Variants in NELL1 observed in about 807,000 individuals in gnomAD.
NELL1 encodes the protein neural EGFL like 1.
In NELL1, 76 loss-of-function variants were observed where a neutral mutation model predicts 107.4. The ratio of observed to expected loss-of-function variants is 0.71; its 90% confidence interval spans 0.59 to 0.86. The LOEUF is 0.86. Among genes scored for constraint, NELL1 ranks in the 40% least tolerant of loss-of-function variants. The pLI, the probability that NELL1 is intolerant of heterozygous loss-of-function variation, is 0.00. For synonymous variants in NELL1, 353 were observed against 341.2 expected (o/e 1.03, Z -0.38); for missense variants, 1,024 against 1,005.5 (o/e 1.02, Z -0.25).
chr11:20,875,529 T>C (rs1361160658), intron 4 of NELL1, among the ~76,000 whole-genome samples: 2 of 152,194 alleles, frequency 1.3e-5, no homozygotes, highest in East Asian at 3.8e-4. Flanking sequence ...CATGCCTATA[T>C]CAAAACATCT....
At chr11:20,793,303 G>T (rs567275627) in intron 3 of NELL1, among the ~76,000 whole-genome samples, 1 of 151,730 alleles carries the variant, frequency 6.6e-6, no homozygotes, top group Admixed American at 6.6e-5. Flanking sequence ...GTAGTTGGAC[G>T]TTATAGTCTC....
At chr11:20,876,956 T>C (rs1211148255) in intron 4 of NELL1, among the ~76,000 whole-genome samples, 1 of 152,168 alleles carries the variant, frequency 6.6e-6, no homozygotes, top group African/African-American at 2.4e-5. Context: ...TTTGCTTTTC[T>C]AGTGGGGCTC....
intron 2 of NELL1, among the ~76,000 whole-genome samples, chr11:20,701,665 C>T (rs1854791975): frequency 6.6e-6 from 1 of 151,964 alleles, no homozygotes; most frequent in Admixed American, 6.6e-5. Flanking sequence ...GTCTTTAATC[C>T]ATCTTGAATT....
At chr11:21,343,267 C>T (rs1467175402) in intron 14 of NELL1, among the ~76,000 whole-genome samples, 1 of 151,920 alleles carries the variant, frequency 6.6e-6, no homozygotes, top group Non-Finnish European at 1.5e-5. Flanking sequence ...AATTCAGCTG[C>T]TTCTATGCAG....
intron 13 of NELL1, among the ~76,000 whole-genome samples, chr11:21,209,796 G>A (rs559577188): frequency 1.2e-4 from 18 of 152,148 alleles, no homozygotes; most frequent in South Asian, 2.1e-4. Context: ...AAAAAGAAGC[G>A]AAGCTATTTG....
At chr11:21,043,909 C>T (rs1853297221) in intron 12 of NELL1, among the ~76,000 whole-genome samples, 1 of 152,068 alleles carries the variant, frequency 6.6e-6, no homozygotes, top group Non-Finnish European at 1.5e-5. Context: ...TCTATTTGGA[C>T]CATGTTCTTT....
intron 13 of NELL1, among the ~76,000 whole-genome samples, chr11:21,224,086 G>A (rs1857830583): frequency 6.6e-6 from 1 of 152,046 alleles, no homozygotes; most frequent in Admixed American, 6.6e-5. Context: ...TCAGTTTTTA[G>A]CATTCCGTCT....
At chr11:21,410,992 C>T (rs1198383101) in intron 15 of NELL1, among the ~76,000 whole-genome samples, 1 of 151,988 alleles carries the variant, frequency 6.6e-6, no homozygotes, top group African/African-American at 2.4e-5. Context: ...GTTTGTTTCC[C>T]TTAATATACC....
At chr11:21,090,978 T>TA (rs1854507398) in intron 12 of NELL1, among the ~76,000 whole-genome samples, 1 of 152,216 alleles carries the variant, frequency 6.6e-6, no homozygotes, top group South Asian at 2.1e-4. Context: ...TTTCAAACCT[T>TA]AGTTTCCTTT....
intron 2 of NELL1, among the ~76,000 whole-genome samples, chr11:20,746,384 A>G (rs925717964): frequency 1.3e-5 from 2 of 152,194 alleles, no homozygotes; most frequent in Admixed American, 6.5e-5. Flanking sequence ...CTCCCCACTT[A>G]CTAGGTCAGT....
intron 1 of NELL1, chr11:20,671,380 G>A (rs892049169): frequency 2.0e-5 from 3 of 152,332 alleles, no homozygotes; most frequent in African/African-American, 4.8e-5. Context: ...AAGAAGCTAG[G>A]TAGGGAGGGG....
At chr11:21,039,192 T>C (rs1393414397) in intron 12 of NELL1, among the ~76,000 whole-genome samples, 1 of 152,090 alleles carries the variant, frequency 6.6e-6, no homozygotes, top group African/African-American at 2.4e-5. Flanking sequence ...TTTTCTTTTT[T>C]TTTTCTCCGA....
At chr11:21,090,920 A>G (rs907827619) in intron 12 of NELL1, among the ~76,000 whole-genome samples, 8 of 152,226 alleles carry the variant, frequency 5.3e-5, no homozygotes, top group African/African-American at 1.9e-4. Context: ...TTGGATTTCA[A>G]CCCTGGCTCT....
chr11:21,094,069 T>C (rs2133693415), intron 12 of NELL1, among the ~76,000 whole-genome samples: 1 of 152,254 alleles, frequency 6.6e-6, no homozygotes, highest in African/African-American at 2.4e-5. Flanking sequence ...GTCTGTAAAA[T>C]CAAAAGCAGG....
intron 15 of NELL1, among the ~76,000 whole-genome samples, chr11:21,414,521 G>T (rs575533242): frequency 5.8e-5 from 7 of 120,284 alleles, no homozygotes; most frequent in Non-Finnish European, 1.1e-4. Context: ...TCACTGATAC[G>T]GCAAATGGAC....
At chr11:21,237,122 G>T (rs1005657636) in intron 14 of NELL1, among the ~76,000 whole-genome samples, 3 of 152,028 alleles carry the variant, frequency 2.0e-5, no homozygotes, top group African/African-American at 7.2e-5. Context: ...TGGGAACCTG[G>T]AATTAGTTCC....
intron 5 of NELL1, among the ~76,000 whole-genome samples, chr11:20,902,775 T>TA (rs1228507846): frequency 1.5e-4 from 23 of 151,980 alleles, no homozygotes; most frequent in South Asian, 2.1e-4. Context: ...CATAGAAACA[T>TA]AAAAATCAGT....
intron 14 of NELL1, among the ~76,000 whole-genome samples, chr11:21,326,506 A>G (rs191465011): frequency 4.6e-4 from 70 of 152,208 alleles, no homozygotes; most frequent in Middle Eastern, 3.4e-3. Flanking sequence ...GATTTAAAAA[A>G]ATTTTAATAG....
intron 9 of NELL1, among the ~76,000 whole-genome samples, chr11:20,935,448 GGC>G (rs2134182302): frequency 6.6e-6 from 1 of 152,224 alleles, no homozygotes; most frequent in Non-Finnish European, 1.5e-5. Context: ...GATAAAGCAT[GGC>G]TAGAACATAT....
Sources: allele counts gnomAD v4.1 joint callset (sites outside exome capture counted in the v4.1 genomes callset), GRCh38; gene constraint gnomAD v4.1.1; transcripts MANE v1.5; gene names NCBI Gene and HGNC (gene_info 2026-07-23, HGNC 2026-07-21).